Variants in DROSHA observed in about 807,000 individuals in gnomAD.
The protein encoded by DROSHA is ribonuclease 3.
DROSHA carries 56 observed loss-of-function variants against 181.9 expected under a neutral mutation model. That is an observed-to-expected ratio of 0.31 (90% CI 0.25 to 0.38). DROSHA has a LOEUF of 0.38. DROSHA is among the 10% of genes least tolerant of loss of function. DROSHA has a pLI of 1.00. For synonymous variants in DROSHA, 524 were observed against 591.2 expected (o/e 0.89, Z 1.65); for missense variants, 1,218 against 1,743.5 (o/e 0.70, Z 5.37).
chr5:31,461,441 G>A (rs1748393304), intron 20 of DROSHA, among the ~76,000 whole-genome samples: 3 of 152,156 alleles, frequency 2.0e-5, no homozygotes, highest in East Asian at 1.9e-4. Flanking sequence ...TCTGTAAGAT[G>A]TATCTGTAGA....
intron 1 of DROSHA, among the ~76,000 whole-genome samples, 178 bp downstream of exon 1, chr5:31,531,812 C>T (rs1474215339): frequency 1.3e-5 from 2 of 152,072 alleles, no homozygotes; most frequent in East Asian, 3.9e-4. Context: ...TTTTCACTTC[C>T]ACTTATTTGC....
chr5:31,480,178 G>GTATATATATATATATATATATATA (rs55828936), intron 16 of DROSHA, among the ~76,000 whole-genome samples: 1,069 of 84,458 alleles, frequency 0.013, 130 homozygotes, highest in Non-Finnish European at 0.022. Flanking sequence ...GGCAATGTCA[G>GTATATATATATATATATATATATA]TATATATATA....
chr5:31,531,663 A>G (rs1741407968), intron 1 of DROSHA, 138 bp from the exon 2 acceptor site: 1 of 152,160 alleles, frequency 6.6e-6, no homozygotes, highest in Non-Finnish European at 1.5e-5. Context: ...ATAACTGCAC[A>G]TTTACTGTTT....
At chr5:31,505,668 A>G (rs1316401826) in intron 10 of DROSHA, 2 of 152,206 alleles carry the variant, frequency 1.3e-5, no homozygotes, top group East Asian at 3.8e-4. Context: ...TTTTTTTGTA[A>G]TAATTTAAAA....
intron 10 of DROSHA, among the ~76,000 whole-genome samples, chr5:31,505,084 G>C (rs1737765290): frequency 6.6e-6 from 1 of 152,190 alleles, no homozygotes; most frequent in Admixed American, 6.5e-5. Flanking sequence ...CTAGCAGAGA[G>C]AAGAAAATGC....
chr5:31,428,451 G>C (rs1743743576), intron 27 of DROSHA, among the ~76,000 whole-genome samples: 1 of 152,146 alleles, frequency 6.6e-6, no homozygotes. Flanking sequence ...TGATACAGAT[G>C]CAAATCAAGA....
At chr5:31,491,502 T>C (rs1334216871) in intron 13 of DROSHA, among the ~76,000 whole-genome samples, 1 of 152,174 alleles carries the variant, frequency 6.6e-6, no homozygotes, top group Admixed American at 6.5e-5. Flanking sequence ...CAAAATAAGA[T>C]GTATATTACT....
intron 14 of DROSHA, 58 bp downstream of exon 14, chr5:31,486,433 A>G (rs7735863): frequency 0.87 from 1,346,126 of 1,550,712 alleles, 595,867 homozygotes; most frequent in Non-Finnish European, 0.91. Context: ...TTAAAATAGT[A>G]GTATGGAACA....
chr5:31,429,320 T>C lies in DROSHA; in HGVS notation c.3216+155A>G, dbSNP rs1024702522. 2.6e-5 allele frequency among the ~76,000 whole-genome samples: 4 copies of C among 152,348 alleles called. No individual in the cohort carries two copies. The East Asian group carries it at 7.7e-4, about 29-fold the overall frequency. On this transcript the variant is annotated intron_variant, in intron 27 of 35. Coordinates refer to ENST00000344624, the MANE Select transcript of DROSHA (RefSeq NM_001382508.1). Reference sequence around the variant, plus strand: ...CATGGAACTTTCCATCTGCAAGAGTTGAATAAGCCATTTTGGTGTATTGAA... The same window carrying C: ...CATGGAACTTTCCATCTGCAAGAGTCGAATAAGCCATTTTGGTGTATTGAA...
At chr5:31,446,935 G>T (rs191242090) in intron 23 of DROSHA, among the ~76,000 whole-genome samples, 1 of 152,126 alleles carries the variant, frequency 6.6e-6, no homozygotes, top group Non-Finnish European at 1.5e-5. Flanking sequence ...AGCTACTCAG[G>T]TGTCTGAGGC....
intron 26 of DROSHA, among the ~76,000 whole-genome samples, chr5:31,430,674 T>TGTACAGA (rs945184668): frequency 2.6e-5 from 4 of 152,190 alleles, no homozygotes; most frequent in African/African-American, 9.7e-5. Flanking sequence ...AAATATTATG[T>TGTACAGA]GTACAGAGCA....
Position 31,526,357 on chromosome 5 carries a change from G to A in DROSHA, c.576C>T (p.Phe192=). Residue 192 remains phenylalanine, a synonymous_variant, in exon 5 of 36, where the codon TTC becomes TTT. Coordinates refer to ENST00000344624, the MANE Select transcript of DROSHA (RefSeq NM_001382508.1). ...FNSFQNNPSS[F]LPSANNSSSP... ...TACTGCTGTTATTAGCACTGGGCAG[G>A]AAAGAACTAGGGTTGTTCTGGAAAC... The A allele has an allele frequency of 1.9e-6, 3 of 1,613,858 alleles. No homozygotes were observed. The highest frequency in any genetic ancestry group is 2.5e-6 in the Non-Finnish European group (3 of 1,179,854).
intron 23 of DROSHA, among the ~76,000 whole-genome samples, chr5:31,441,282 G>A (rs1378375045): frequency 3.9e-5 from 6 of 151,992 alleles, no homozygotes; most frequent in East Asian, 1.9e-4. Context: ...GTGGTGGCAC[G>A]TGCCTGTAGT....
chr5:31,422,069 G>A (rs144734726), intron 29 of DROSHA, among the ~76,000 whole-genome samples: 145 of 140,116 alleles, frequency 1.0e-3, no homozygotes, highest in Middle Eastern at 7.4e-3. Flanking sequence ...TCCAGCCTTC[G>A]CAACAGAGTG....
Position 31,504,608 on chromosome 5 carries a change from T to C in DROSHA, c.1615A>G (p.Ser539Gly). The C allele has an allele frequency of 6.2e-7, 1 of 1,614,012 alleles. No individual in the cohort carries two copies. Among genetic ancestry groups the C allele is most frequent in the Non-Finnish European group, 8.5e-7 (1 of 1,179,890 alleles). The change falls in exon 11 of 36, where the codon AGC becomes GGC. Residue 539 changes from serine (S) to glycine (G), a missense_variant. Physicochemically the swap from Ser to Gly is moderately conservative, Grantham distance 56. Around this residue, in one of 8 missense-constraint regions of DROSHA, gnomAD observed 460 missense variants for 774.2 expected, o/e 0.59. Coordinates refer to ENST00000344624, the MANE Select transcript of DROSHA (RefSeq NM_001382508.1). ...QMNDGPLCKCSAKARRTGIRH... is the reference protein window; with the variant it reads ...QMNDGPLCKCGAKARRTGIRH... ...ATTCCTGTGCGTCTTGCCTTTGCGC[T>C]GCATTTGCAGAGTGGTCCATCATTC...
intron 6 of DROSHA, among the ~76,000 whole-genome samples, chr5:31,515,774 A>T (rs900448939): frequency 1.3e-5 from 2 of 152,172 alleles, no homozygotes; most frequent in East Asian, 3.9e-4. Context: ...GTCATCCCTA[A>T]CTGTCTCTGG....
At chr5:31,449,440 G>C in intron 21 of DROSHA, 21 bp from the exon 22 acceptor site, 4 of 1,550,990 alleles carry the variant, frequency 2.6e-6, no homozygotes, top group Non-Finnish European at 3.5e-6. Context: ...AATGAAATAA[G>C]TTCAGTCTTT....
chr5:31,443,794 C>A (rs1745937514), intron 23 of DROSHA, among the ~76,000 whole-genome samples: 1 of 152,082 alleles, frequency 6.6e-6, no homozygotes, highest in African/African-American at 2.4e-5. Flanking sequence ...CCTTCTTGAT[C>A]CCCCCGCTGC....
At chr5:31,474,981 C>T (rs1461833244) in intron 16 of DROSHA, among the ~76,000 whole-genome samples, 1 of 152,150 alleles carries the variant, frequency 6.6e-6, no homozygotes, top group Non-Finnish European at 1.5e-5. Flanking sequence ...ACAGTTCAAT[C>T]GAAGACACAT....
Sources: allele counts gnomAD v4.1 joint callset (sites outside exome capture counted in the v4.1 genomes callset), GRCh38; gene constraint gnomAD v4.1.1; regional missense constraint gnomAD v4.1.1; transcripts MANE v1.5; gene names NCBI Gene and HGNC (gene_info 2026-07-23, HGNC 2026-07-21).